PPARGC1B: variants seen among roughly 807,000 people sequenced by gnomAD.
PPARGC1B encodes the protein PPARG coactivator 1 beta, also known as peroxisome proliferator-activated receptor gamma coactivator 1-beta.
Under a neutral mutation model 101.6 loss-of-function variants are expected in PPARGC1B, and 34 were observed. The ratio of observed to expected loss-of-function variants is 0.33; its 90% confidence interval spans 0.25 to 0.45. The LOEUF is 0.45. Ranked by LOEUF, PPARGC1B falls within the 20% of genes least tolerant of loss-of-function variation. The probability of loss-of-function intolerance (pLI) is 1.00; values close to 1 mark genes in which losing one functional copy is unlikely to be tolerated. For missense variants in PPARGC1B, 1,234 were observed against 1,317.6 expected, an observed-to-expected ratio of 0.94 and a Z score of 0.98; for synonymous variants, 548 against 539.3, an observed-to-expected ratio of 1.02 and a Z score of -0.22.
rs995684542 is a variant in PPARGC1B at position 149,850,872 on chromosome 5, A to G, written c.*3314A>G. 1 of 152,092 alleles carries G rather than the reference A, an allele frequency of 6.6e-6. No homozygotes were observed. The highest frequency in any genetic ancestry group is 2.4e-5 in the African/African-American group (1 of 41,406). The allele number at this position is 152,092 out of a possible 1,614,324, so 9.4% of individuals were successfully genotyped here. A position where few individuals can be genotyped will look rare whatever the true frequency, so the allele number is the denominator to read the frequency against. On this transcript the variant is annotated 3_prime_UTR_variant, in exon 12 of 12. Transcript: ENST00000309241. ...CCTTCCTCAGTCTGTACAAGGCTGA[A>G]TCAGAATCCCCATTCTCGGGGGCTC...
chr5:149,830,627 C>A, intron 3 of PPARGC1B, 140 bp from the exon 4 acceptor site: 1 of 685,974 alleles, frequency 1.5e-6, no homozygotes. Context: ...GGATCATCAT[C>A]CCAGGTCATG....
intron 1 of PPARGC1B, among the ~76,000 whole-genome samples, chr5:149,776,259 C>T (rs1275121227): frequency 2.0e-5 from 3 of 152,248 alleles, no homozygotes; most frequent in Non-Finnish European, 4.4e-5. Context: ...TGCTAGCTTG[C>T]AATGAGACCA....
Position 149,852,504 on chromosome 5 carries a change from T to C in PPARGC1B, c.*4946T>C, listed in dbSNP as rs1369836547. The C allele has an allele frequency of 1.3e-5, 2 of 152,156 alleles. No individual in the cohort carries two copies. Among genetic ancestry groups the C allele is most frequent in the Non-Finnish European group, 2.9e-5 (2 of 68,028 alleles). The allele number at this position is 152,156 out of a possible 1,614,324, so 9.4% of individuals were successfully genotyped here. A position where few individuals can be genotyped will look rare whatever the true frequency, so the allele number is the denominator to read the frequency against. ...CCCACTGTGTCCTGGCTGAGTTGCC[T>C]TATCCAAGAAGACCAGCTCCCCGGG... is the stretch of plus-strand genomic sequence containing the variant. On this transcript the variant is annotated 3_prime_UTR_variant, in exon 12 of 12. Transcript: ENST00000309241.
chr5:149,754,877 G>T (rs1431181181), intron 1 of PPARGC1B, among the ~76,000 whole-genome samples: 2 of 146,090 alleles, frequency 1.4e-5, no homozygotes, highest in Non-Finnish European at 3.0e-5. Context: ...TGCCTCCCGG[G>T]TTCAAGCAAC....
intron 1 of PPARGC1B, among the ~76,000 whole-genome samples, chr5:149,796,506 A>T (rs1384871391): frequency 6.6e-6 from 1 of 152,066 alleles, no homozygotes; most frequent in Admixed American, 6.6e-5. Context: ...CATAGTCCTG[A>T]TTTACATCTT....
Position 149,842,295 on chromosome 5 carries a change from G to C in PPARGC1B, c.2734G>C (p.Asp912His), listed in dbSNP as rs144054131. 10 of 1,614,010 alleles carry C rather than the reference G, an allele frequency of 6.2e-6. No homozygotes were observed. The highest frequency in any genetic ancestry group is 1.7e-4 in the Middle Eastern group (1 of 6,024). ...RVVYIQNLSSDMSSRELKRRF... is the reference protein window; with the variant it reads ...RVVYIQNLSSHMSSRELKRRF... ...GGTGTACATTCAAAATCTCTCCAGC[G>C]ACATGAGCTCCCGAGAGCTGAAGAG... Residue 912 changes from aspartate (D) to histidine (H), a missense_variant, in exon 10 of 12, where the codon GAC becomes CAC. This residue lies in a region of PPARGC1B where 497 missense variants were observed against 529.5 expected (regional missense o/e 0.94). Transcript: ENST00000309241.
rs765599603 is a variant in PPARGC1B, at chr5:149,830,899, C to T, written c.582+16C>T. Reference sequence around the variant, plus strand: ...TTGTGTTAAGGTATTTCTTCACATGCCCCCAAATCTACCCCAGGTGTCTGT... The same window carrying T: ...TTGTGTTAAGGTATTTCTTCACATGTCCCCAAATCTACCCCAGGTGTCTGT... On this transcript the variant is annotated intron_variant, in intron 4 of 11. Transcript: ENST00000309241. 5.8e-6 allele frequency: 9 copies of T among 1,544,958 alleles called. No homozygotes were observed. The South Asian group carries it at 1.0e-4, about 17-fold the overall frequency.
chr5:149,772,272 TGG>T, intron 1 of PPARGC1B: 5 of 1,530,406 alleles, frequency 3.3e-6, no homozygotes, highest in Non-Finnish European at 4.4e-6. Context: ...GTGGCGATGG[TGG>T]GTTAGGGTAC....
chr5:149,844,824 G>A (rs1019782070), intron 10 of PPARGC1B, among the ~76,000 whole-genome samples: 1 of 152,212 alleles, frequency 6.6e-6, no homozygotes, highest in Non-Finnish European at 1.5e-5. Flanking sequence ...TGATATGTCA[G>A]TCGGGACTCT....
chr5:149,752,031 A>G (rs1275116973), intron 1 of PPARGC1B, among the ~76,000 whole-genome samples: 1 of 152,228 alleles, frequency 6.6e-6, no homozygotes, highest in Non-Finnish European at 1.5e-5. Flanking sequence ...AAACAGATGT[A>G]AGGCTATGTT....
At chr5:149,836,190 C>G in intron 7 of PPARGC1B, 73 bp from the exon 8 acceptor site, 1 of 1,342,974 alleles carries the variant, frequency 7.4e-7, no homozygotes, top group Non-Finnish European at 1.0e-6. Context: ...GGCTTGGCCC[C>G]AAACTTAGGG....
At chr5:149,826,606 G>C in intron 2 of PPARGC1B, 67 bp from the exon 3 acceptor site, 2 of 1,260,964 alleles carry the variant, frequency 1.6e-6, no homozygotes, top group Non-Finnish European at 2.3e-6. Context: ...CGTGGAGACT[G>C]AGTCTAAGGT....
chr5:149,799,690 G>GT (rs369350284), intron 1 of PPARGC1B, among the ~76,000 whole-genome samples: 18 of 65,062 alleles, frequency 2.8e-4, no homozygotes, highest in East Asian at 1.7e-3. Context: ...TTTGCTTGTT[G>GT]TTGTTTTTTT....
chr5:149,835,229 T>C, intron 6 of PPARGC1B, 72 bp from the exon 7 acceptor site: 1 of 1,420,216 alleles, frequency 7.0e-7, no homozygotes, highest in Non-Finnish European at 1.0e-6. Context: ...CCTGCGACCC[T>C]TTCATGGGCG....
rs532095648 is a variant in PPARGC1B, at chr5:149,837,720, G to GA, written c.2618+653dup. Among the ~76,000 whole-genome samples the GA allele has an allele frequency of 8.9e-4, 136 of 152,300 alleles. 5 individuals are homozygous for GA. The South Asian group carries it at 0.028, about 31-fold the overall frequency. On this transcript the variant is annotated intron_variant, in intron 8 of 11. Coordinates refer to ENST00000309241, the MANE Select transcript of PPARGC1B (RefSeq NM_133263.4). This position sits in a 1 kb window ranked among gnomAD's most constrained non-coding sequence, Gnocchi z 4.2. ...CAAAAGTCAGCTGGGGAGCTGGGCA[G>GA]AAAAAATGGAGGTTTGGCAGATTCA...
intron 1 of PPARGC1B, among the ~76,000 whole-genome samples, chr5:149,762,913 A>G (rs1227044361): frequency 1.3e-5 from 2 of 152,126 alleles, no homozygotes; most frequent in Non-Finnish European, 2.9e-5. Context: ...CAGCCTCCCA[A>G]GCAGCTGAAA....
At chr5:149,825,057 C>A (rs554518101) in intron 2 of PPARGC1B, among the ~76,000 whole-genome samples, 1 of 151,774 alleles carries the variant, frequency 6.6e-6, no homozygotes, top group East Asian at 2.0e-4. Flanking sequence ...CCGGAGGAGG[C>A]ATCATGTGAC....
intron 7 of PPARGC1B, among the ~76,000 whole-genome samples, chr5:149,836,046 C>T (rs904852173): frequency 2.8e-4 from 42 of 149,938 alleles, no homozygotes; most frequent in African/African-American, 9.6e-4. Context: ...CACCAACAAG[C>T]CTGTTTAATT....
intron 1 of PPARGC1B, among the ~76,000 whole-genome samples, chr5:149,753,533 T>TA (rs902277301): frequency 1.3e-4 from 20 of 152,074 alleles, no homozygotes; most frequent in South Asian, 2.1e-4. Flanking sequence ...TATTTTTAGT[T>TA]AAAAAAATTT....
Sources: gnomAD v4.1 joint callset for allele counts (sites outside exome capture counted in the v4.1 genomes callset) on GRCh38, gnomAD v4.1.1 for gene constraint, gnomAD v4.1.1 regional missense constraint, Gnocchi (gnomAD v3.1) non-coding constraint, MANE v1.5 for transcripts, NCBI Gene and HGNC (gene_info 2026-07-23, HGNC 2026-07-21) for gene names.